PLXNC1: variants seen among roughly 807,000 people sequenced by gnomAD.
The protein encoded by PLXNC1 is plexin-C1.
A neutral mutation model predicts 178.2 loss-of-function variants in PLXNC1; 75 were observed. The observed-to-expected ratio is 0.42, with a 90% CI of 0.35 to 0.51. The LOEUF (loss-of-function observed/expected upper bound fraction) is 0.51. Ranked by LOEUF, PLXNC1 falls within the 20% of genes least tolerant of loss-of-function variation. PLXNC1 has a pLI of 0.02. For missense variants in PLXNC1, 1,503 were observed against 1,984.4 expected (o/e 0.76, Z 4.61); for synonymous variants, 790 against 779.9 (o/e 1.01, Z -0.22).
chr12:94,279,629 A>G lies in PLXNC1; in HGVS notation c.3755A>G (p.Gln1252Arg). ...LSKNGSPYGL[Q>R]LNEIGLELQM... ...AAAAATGGCTCTCCTTATGGACTTC[A>G]GCTTAATGAAATTGGTCTTGGTAAG... The change falls in exon 22 of 31, where the codon CAG becomes CGG. Residue 1252 changes from glutamine to arginine, a missense_variant. Physicochemically the swap from Gln to Arg is conservative, Grantham distance 43. This residue lies in a region of PLXNC1 where 639 missense variants were observed against 979.7 expected (regional missense o/e 0.65). Coordinates refer to ENST00000258526, the MANE Select transcript of PLXNC1 (RefSeq NM_005761.3). 3 of 1,614,208 alleles carry G rather than the reference A, an allele frequency of 1.9e-6. No individual in the cohort carries two copies. Among genetic ancestry groups the G allele is most frequent in the Non-Finnish European group, 2.5e-6 (3 of 1,180,012 alleles).
In PLXNC1 at chr12:94,223,075, A is replaced by G. The variant is rs553711942; in HGVS notation, c.1703-1153A>G. ...TTCAATGAGAAAATTAGGGTTGCCA[A>G]CGGAGTCAAGCCAGCTTCTTATTTT... On this transcript the variant is annotated intron_variant, in intron 6 of 30. Transcript: ENST00000258526. Among the ~76,000 whole-genome samples, 4 of 152,282 alleles carry G rather than the reference A, an allele frequency of 2.6e-5. No homozygotes were observed. In the East Asian group the frequency reaches 7.7e-4, roughly 29 times the overall value.
intron 10 of PLXNC1, among the ~76,000 whole-genome samples, chr12:94,239,442 C>A (rs1460166352): frequency 6.6e-6 from 1 of 152,186 alleles, no homozygotes; most frequent in African/African-American, 2.4e-5. Flanking sequence ...AAATGTGCGT[C>A]TGAGGTGGCG....
At chr12:94,197,302 G>A (rs1018285646) in intron 4 of PLXNC1, among the ~76,000 whole-genome samples, 2 of 152,086 alleles carry the variant, frequency 1.3e-5, no homozygotes, top group Admixed American at 6.6e-5. Context: ...GGAACCTTTC[G>A]GACGTGATTA....
rs528176743 is a variant in PLXNC1 at position 94,213,597 on chromosome 12, T to A, written c.1554+3893T>A. 5.9e-5 allele frequency among the ~76,000 whole-genome samples: 9 copies of A among 152,338 alleles called. No homozygotes were observed. In the East Asian group the frequency reaches 1.7e-3, roughly 29 times the overall value. Reference sequence around the variant, plus strand: ...ATTGCAAAAATTTTCTCCCGTTCTGTAGGTTGCCTGTTCACTCTGATGGTA... The same window carrying A: ...ATTGCAAAAATTTTCTCCCGTTCTGAAGGTTGCCTGTTCACTCTGATGGTA... On this transcript the variant is annotated intron_variant, in intron 5 of 30. Transcript: ENST00000258526.
In PLXNC1 at chr12:94,230,310, A is replaced by G. The variant is rs563634561; in HGVS notation, c.1980+3075A>G. On this transcript the variant is annotated intron_variant, in intron 9 of 30. Transcript: ENST00000258526. The stretch of plus-strand genomic sequence containing the variant: ...CCTTTTTATCGCTGAGTCGTGGTCC[A>G]GGCAGCGGCTTTTTAAACTTCTTTA... Among the ~76,000 whole-genome samples, 237 of 152,344 alleles carry G rather than the reference A, an allele frequency of 1.6e-3. 1 individual carries two copies. The highest frequency in any genetic ancestry group is 5.7e-3 in the African/African-American group (235 of 41,566).
chr12:94,291,941 G>C (rs934292895), intron 23 of PLXNC1, among the ~76,000 whole-genome samples: 9 of 152,244 alleles, frequency 5.9e-5, no homozygotes, highest in African/African-American at 2.2e-4. Context: ...CATGTCTACT[G>C]CTCCCATCTT....
chr12:94,274,390 T>A (rs190234074), intron 21 of PLXNC1, among the ~76,000 whole-genome samples: 1 of 152,084 alleles, frequency 6.6e-6, no homozygotes, highest in Non-Finnish European at 1.5e-5. Context: ...CTGGGTTACA[T>A]GACCAGTCCC....
chr12:94,286,339 C>T (rs1387515285), intron 23 of PLXNC1, among the ~76,000 whole-genome samples: 1 of 152,082 alleles, frequency 6.6e-6, no homozygotes, highest in African/African-American at 2.4e-5. Context: ...ATGCCTGGAC[C>T]ATCTCAAAAG....
chr12:94,289,950 C>T (rs1195293354), intron 23 of PLXNC1, among the ~76,000 whole-genome samples: 2 of 152,198 alleles, frequency 1.3e-5, no homozygotes, highest in African/African-American at 4.8e-5. Context: ...TGTGTCTATG[C>T]TATCTTAATG....
intron 5 of PLXNC1, among the ~76,000 whole-genome samples, chr12:94,210,992 AG>A (rs1448360415): frequency 6.6e-6 from 1 of 152,224 alleles, no homozygotes; most frequent in Non-Finnish European, 1.5e-5. Context: ...AAATTCTGGA[AG>A]ATTTTTTTTC....
At chr12:94,300,496 T>A (rs1968358856) in intron 27 of PLXNC1, among the ~76,000 whole-genome samples, 1 of 152,150 alleles carries the variant, frequency 6.6e-6, no homozygotes, top group Non-Finnish European at 1.5e-5. Flanking sequence ...GGCCAGGTCA[T>A]GCAGGGTGTT....
intron 23 of PLXNC1, among the ~76,000 whole-genome samples, chr12:94,290,447 G>A (rs116119850): frequency 0.023 from 3,535 of 152,378 alleles, 145 homozygotes; most frequent in African/African-American, 0.081. Context: ...AGCTCAGTAA[G>A]AGTTAAGAAT....
At chr12:94,222,300 G>A (rs763935097) in intron 6 of PLXNC1, among the ~76,000 whole-genome samples, 3 of 152,044 alleles carry the variant, frequency 2.0e-5, no homozygotes, top group Non-Finnish European at 4.4e-5. Flanking sequence ...TATTCTGAAC[G>A]GGCAAACAAA....
At chr12:94,294,065 C>G (rs1967642785) in intron 23 of PLXNC1, among the ~76,000 whole-genome samples, 1 of 152,220 alleles carries the variant, frequency 6.6e-6, no homozygotes. Context: ...CACAAACATT[C>G]AGTCCATAGC....
At chr12:94,232,914 CAG>C (rs142814573) in intron 9 of PLXNC1, among the ~76,000 whole-genome samples, 10,398 of 152,264 alleles carry the variant, frequency 0.068, 472 homozygotes, top group African/African-American at 0.13. Flanking sequence ...TCTGACTCAA[CAG>C]AGTTTTAACC....
intron 3 of PLXNC1, 189 bp from the exon 4 acceptor site, chr12:94,186,184 G>T: frequency 1.9e-6 from 1 of 518,640 alleles, no homozygotes; most frequent in Non-Finnish European, 3.5e-6. Context: ...ACTGTCAAAA[G>T]CTCCCCAGGT....
At chr12:94,175,296 C>T (rs550898878) in intron 2 of PLXNC1, among the ~76,000 whole-genome samples, 2 of 152,284 alleles carry the variant, frequency 1.3e-5, no homozygotes, top group East Asian at 1.9e-4. Context: ...ACTGGTTAGC[C>T]CCACAGAGTG....
intron 3 of PLXNC1, among the ~76,000 whole-genome samples, chr12:94,184,246 T>C (rs1413911790): frequency 1.3e-5 from 2 of 151,456 alleles, no homozygotes; most frequent in Non-Finnish European, 2.9e-5. Context: ...GCCTCCCTAG[T>C]AGCTGGGACT....
chr12:94,234,872 T>C (rs1462223172), intron 9 of PLXNC1, among the ~76,000 whole-genome samples: 1 of 152,224 alleles, frequency 6.6e-6, no homozygotes, highest in Non-Finnish European at 1.5e-5. Context: ...GAAATGATTC[T>C]TTGCTCTTTT....
Sources: allele counts gnomAD v4.1 joint callset (sites outside exome capture counted in the v4.1 genomes callset), GRCh38; gene constraint gnomAD v4.1.1; regional missense constraint gnomAD v4.1.1; transcripts MANE v1.5; gene names NCBI Gene and HGNC (gene_info 2026-07-23, HGNC 2026-07-21).